CNBD1: variants seen among roughly 807,000 people sequenced by gnomAD.
CNBD1 encodes the protein cyclic nucleotide binding domain containing 1, also known as cyclic nucleotide-binding domain-containing protein 1.
Under a neutral mutation model 54.4 loss-of-function variants are expected in CNBD1, and 71 were observed. The observed-to-expected ratio is 1.30, with a 90% CI of 1.08 to 1.59. The LOEUF is 1.59. Ranked by LOEUF, CNBD1 falls within the 40% of genes most tolerant of loss-of-function variation. CNBD1 has a pLI of 0.00. For missense variants in CNBD1, 659 were observed against 518.0 expected (o/e 1.27, Z -2.64); for synonymous variants, 182 against 170.7 (o/e 1.07, Z -0.51).
At chr8:87,402,528 T>C (rs905573364) in intron 2 of CNBD1, among the ~76,000 whole-genome samples, 4 of 152,084 alleles carry the variant, frequency 2.6e-5, no homozygotes, top group Non-Finnish European at 5.9e-5. Context: ...ATAGCTGAGA[T>C]GGACATAAGG....
chr8:86,956,625 C>G (rs1325230757), intron 4 of CNBD1, among the ~76,000 whole-genome samples: 3 of 152,064 alleles, frequency 2.0e-5, no homozygotes, highest in Non-Finnish European at 4.4e-5. Flanking sequence ...TGATTTGGCT[C>G]TGTTTTTCTG....
intron 2 of CNBD1, among the ~76,000 whole-genome samples, chr8:87,407,662 T>C (rs942878936): frequency 6.6e-6 from 1 of 152,062 alleles, no homozygotes; most frequent in African/African-American, 2.4e-5. Context: ...CAGCTATTGG[T>C]TTTTTCCTTT....
intron 6 of CNBD1, among the ~76,000 whole-genome samples, chr8:87,276,083 C>T (rs1464661414): frequency 2.6e-5 from 4 of 151,800 alleles, no homozygotes; most frequent in Non-Finnish European, 5.9e-5. Context: ...CAGTAGGAAT[C>T]AATGGTAAAT....
chr8:86,894,461 A>G (rs1399866717), intron 2 of CNBD1, among the ~76,000 whole-genome samples: 1 of 152,162 alleles, frequency 6.6e-6, no homozygotes, highest in African/African-American at 2.4e-5. Context: ...TTCCCATATG[A>G]TCAATATCTT....
intron 4 of CNBD1, among the ~76,000 whole-genome samples, chr8:86,993,749 CTG>C (rs1563851069): frequency 6.6e-6 from 1 of 152,178 alleles, no homozygotes; most frequent in East Asian, 1.9e-4. Context: ...GCAGCTTGGG[CTG>C]TGATCCAGTA....
chr8:86,939,079 T>C (rs1809603106), intron 3 of CNBD1, among the ~76,000 whole-genome samples: 2 of 152,140 alleles, frequency 1.3e-5, no homozygotes, highest in South Asian at 4.1e-4. Flanking sequence ...GAATGGAAAA[T>C]GGTCATTTAT....
chr8:87,288,081 C>T (rs1188010637), intron 8 of CNBD1, among the ~76,000 whole-genome samples: 1 of 151,970 alleles, frequency 6.6e-6, no homozygotes, highest in African/African-American at 2.4e-5. Flanking sequence ...ATGTTTATTA[C>T]ATAGAAACAG....
chr8:87,328,756 T>G (rs2130907885), intron 8 of CNBD1, among the ~76,000 whole-genome samples: 1 of 152,260 alleles, frequency 6.6e-6, no homozygotes, highest in Non-Finnish European at 1.5e-5. Context: ...TCTTTTTATT[T>G]ATTTATGCCC....
chr8:87,005,243 G>A (rs149880492), intron 4 of CNBD1, among the ~76,000 whole-genome samples: 4,021 of 151,852 alleles, frequency 0.026, 166 homozygotes, highest in African/African-American at 0.093. Context: ...GGTGGCGGGC[G>A]CCTGTAGTCC....
chr8:87,055,343 C>T (rs575358691), intron 4 of CNBD1, among the ~76,000 whole-genome samples: 4 of 152,154 alleles, frequency 2.6e-5, no homozygotes, highest in Admixed American at 6.5e-5. Context: ...CTGTACAACT[C>T]CCCCTATCTA....
Position 87,100,774 on chromosome 8 carries a change from C to A in CNBD1, c.432-105219C>A, listed in dbSNP as rs913956738. On this transcript the variant is annotated intron_variant, in intron 4 of 10. Coordinates refer to ENST00000518476, the MANE Select transcript of CNBD1 (RefSeq NM_173538.3). Reference sequence around the variant, plus strand: ...ACAGGTGTGAGCCACCATGCCTGGCCAGAAAGCCAAATTTTAAAGCCTTAT... The same window carrying A: ...ACAGGTGTGAGCCACCATGCCTGGCAAGAAAGCCAAATTTTAAAGCCTTAT... 2.6e-5 allele frequency among the ~76,000 whole-genome samples: 4 copies of A among 152,106 alleles called. 1 individual carries two copies. The highest frequency in any genetic ancestry group is 2.0e-4 in the Admixed American group (3 of 15,278).
chr8:87,381,124 G>T (rs958347971), intron 10 of CNBD1, among the ~76,000 whole-genome samples: 6 of 151,944 alleles, frequency 3.9e-5, no homozygotes, highest in Non-Finnish European at 7.4e-5. Flanking sequence ...GAAAATATTT[G>T]CAAACCGTGC....
chr8:87,388,234 G>T (rs111267688), intron 2 of CNBD1, among the ~76,000 whole-genome samples: 2,703 of 151,860 alleles, frequency 0.018, 89 homozygotes, highest in African/African-American at 0.059. Flanking sequence ...GGTAGCAGAA[G>T]GCAAGAAATA....
chr8:87,210,481 G>C (rs764810026), intron 5 of CNBD1, among the ~76,000 whole-genome samples: 3 of 152,176 alleles, frequency 2.0e-5, no homozygotes, highest in Non-Finnish European at 2.9e-5. Flanking sequence ...ACACTCCTAT[G>C]ATAGGCCCAG....
At chr8:87,365,013 T>C (rs1007878944) in intron 10 of CNBD1, among the ~76,000 whole-genome samples, 1 of 152,068 alleles carries the variant, frequency 6.6e-6, no homozygotes, top group Non-Finnish European at 1.5e-5. Flanking sequence ...TACCCAGTGG[T>C]GAGATTGCTG....
intron 4 of CNBD1, among the ~76,000 whole-genome samples, chr8:87,169,241 A>T (rs1439153701): frequency 1.3e-5 from 2 of 152,090 alleles, no homozygotes; most frequent in Non-Finnish European, 2.9e-5. Context: ...AGAAATATCT[A>T]TTCAGATCTT....
chr8:87,064,672 C>T (rs1324887458), intron 4 of CNBD1, among the ~76,000 whole-genome samples: 1 of 151,768 alleles, frequency 6.6e-6, no homozygotes, highest in Non-Finnish European at 1.5e-5. Flanking sequence ...AGTAACCCAC[C>T]TTCCTAGTTT....
intron 8 of CNBD1, among the ~76,000 whole-genome samples, chr8:87,312,794 G>A (rs1022567910): frequency 5.9e-5 from 9 of 151,846 alleles, no homozygotes; most frequent in Non-Finnish European, 1.3e-4. Flanking sequence ...CTAAAAACAA[G>A]AGAAATATTG....
chr8:87,051,617 A>G (rs900222239), intron 4 of CNBD1, among the ~76,000 whole-genome samples: 3 of 152,214 alleles, frequency 2.0e-5, no homozygotes, highest in African/African-American at 7.2e-5. Context: ...GGATGGGCTG[A>G]AATAAAGGGA....
Sources: gnomAD v4.1 joint callset for allele counts (sites outside exome capture counted in the v4.1 genomes callset) on GRCh38, gnomAD v4.1.1 for gene constraint, MANE v1.5 for transcripts, NCBI Gene and HGNC (gene_info 2026-07-23, HGNC 2026-07-21) for gene names.